Variants in IL1RAPL1 observed in about 807,000 individuals in gnomAD.
The protein encoded by IL1RAPL1 is interleukin 1 receptor accessory protein like 1, also known as interleukin-1 receptor accessory protein-like 1.
A neutral mutation model predicts 48.4 loss-of-function variants in IL1RAPL1; 3 were observed. The observed-to-expected ratio is 0.06, with a 90% CI of 0.03 to 0.16. The LOEUF is 0.16. Among genes scored for constraint, IL1RAPL1 ranks in the 10% least tolerant of loss-of-function variants. The probability of loss-of-function intolerance (pLI) is 1.00; values close to 1 mark genes in which losing one functional copy is unlikely to be tolerated. For missense variants in IL1RAPL1, 349 were observed against 530.6 expected (o/e 0.66, Z 3.36); for synonymous variants, 185 against 187.7 (o/e 0.99, Z 0.12).
At chrX:29,506,575 G>A (rs1228886479) in intron 5 of IL1RAPL1, among the ~76,000 whole-genome samples, 25 of 110,141 alleles carry the variant, frequency 2.3e-4, no homozygotes, top group Admixed American at 1.7e-3. Flanking sequence ...AACCATCAGA[G>A]TGCTTCCTGT....
chrX:28,750,038 C>T (rs1223104984), intron 1 of IL1RAPL1, among the ~76,000 whole-genome samples: 5 of 109,033 alleles, frequency 4.6e-5, no homozygotes, highest in East Asian at 5.7e-4. Flanking sequence ...CTGCAACCTC[C>T]GTCTCCCAGG....
At chrX:29,829,253 T>C (rs1290372646) in intron 6 of IL1RAPL1, among the ~76,000 whole-genome samples, 1 of 108,882 alleles carries the variant, frequency 9.2e-6, no homozygotes, top group Non-Finnish European at 1.9e-5. Context: ...GGTTCTGTCC[T>C]TTTTATGTTA....
intron 2 of IL1RAPL1, among the ~76,000 whole-genome samples, chrX:29,046,972 A>T (rs1744555497): frequency 8.9e-6 from 1 of 112,095 alleles, no homozygotes; most frequent in African/African-American, 3.2e-5. Flanking sequence ...GATATACCAA[A>T]GGATGTATCC....
At chrX:29,593,706 A>G (rs1426988198) in intron 5 of IL1RAPL1, among the ~76,000 whole-genome samples, 1 of 112,337 alleles carries the variant, frequency 8.9e-6, no homozygotes, top group Admixed American at 9.4e-5. Context: ...CATTAGTTAA[A>G]TAGACTCTTT....
At chrX:28,977,872 G>A (rs1925242315) in intron 2 of IL1RAPL1, among the ~76,000 whole-genome samples, 1 of 111,830 alleles carries the variant, frequency 8.9e-6, no homozygotes, top group Non-Finnish European at 1.9e-5. Context: ...CAGGAGAATT[G>A]CTCGAACCAG....
intron 2 of IL1RAPL1, among the ~76,000 whole-genome samples, chrX:29,180,637 G>A (rs963654733): frequency 3.6e-5 from 4 of 110,772 alleles, no homozygotes; most frequent in African/African-American, 1.3e-4. Context: ...TTGGCCTCCC[G>A]AAATGGTGGG....
chrX:29,827,227 C>T (rs1325051642), intron 6 of IL1RAPL1, among the ~76,000 whole-genome samples: 1 of 112,107 alleles, frequency 8.9e-6, no homozygotes, highest in Non-Finnish European at 1.9e-5. Context: ...CTAAAAATTA[C>T]CACTTACTCC....
intron 5 of IL1RAPL1, among the ~76,000 whole-genome samples, chrX:29,608,387 CAA>C (rs372371455): frequency 0.071 from 4,438 of 62,462 alleles, 257 homozygotes; most frequent in African/African-American, 0.23. Context: ...GAAGGGGTTT[CAA>C]AAAAAAAAAG....
intron 1 of IL1RAPL1, among the ~76,000 whole-genome samples, chrX:28,600,115 G>T (rs1934005432): frequency 9.0e-6 from 1 of 111,694 alleles, no homozygotes; most frequent in Non-Finnish European, 1.9e-5. Context: ...AAGTTATTTG[G>T]AGTCTCTGAC....
At chrX:29,393,657 T>C (rs1168958594) in intron 3 of IL1RAPL1, among the ~76,000 whole-genome samples, 1 of 111,081 alleles carries the variant, frequency 9.0e-6, no homozygotes, top group African/African-American at 3.3e-5. Context: ...AAACGATTTA[T>C]GTGGAAGTTT....
chrX:29,247,345 G>A (rs192651925), intron 2 of IL1RAPL1, among the ~76,000 whole-genome samples: 47 of 111,033 alleles, frequency 4.2e-4, no homozygotes, highest in Non-Finnish European at 8.1e-4. Flanking sequence ...ATTGTCTCAA[G>A]GACAAATGAT....
At chrX:28,697,319 G>T (rs1014812620) in intron 1 of IL1RAPL1, among the ~76,000 whole-genome samples, 1 of 109,991 alleles carries the variant, frequency 9.1e-6, no homozygotes, top group Non-Finnish European at 1.9e-5. Flanking sequence ...ATCTAGCATT[G>T]CCTTGAATTT....
intron 6 of IL1RAPL1, among the ~76,000 whole-genome samples, chrX:29,916,018 C>T (rs1044407701): frequency 7.1e-5 from 7 of 99,036 alleles, no homozygotes; most frequent in African/African-American, 1.1e-4. Context: ...TTTGTTCTTG[C>T]GATAGTTTAC....
chrX:29,266,820 A>G (rs1209447235), intron 2 of IL1RAPL1, among the ~76,000 whole-genome samples: 5 of 111,252 alleles, frequency 4.5e-5, no homozygotes, highest in Admixed American at 9.6e-5. Flanking sequence ...TTTAGATTAC[A>G]TGTGGTCATC....
chrX:29,673,312 A>G (rs946091553), intron 6 of IL1RAPL1, among the ~76,000 whole-genome samples: 15 of 111,937 alleles, frequency 1.3e-4, no homozygotes, highest in Admixed American at 5.7e-4. Flanking sequence ...AGTGTCATGT[A>G]ATACTGTTGA....
chrX:28,628,037 A>C (rs1601839407), intron 1 of IL1RAPL1, among the ~76,000 whole-genome samples: 1 of 111,298 alleles, frequency 9.0e-6, no homozygotes, highest in Non-Finnish European at 1.9e-5. Context: ...GCTAAACTGG[A>C]TCTCGCTGGA....
intron 3 of IL1RAPL1, among the ~76,000 whole-genome samples, chrX:29,328,817 GT>G (rs770528263): frequency 9.1e-6 from 1 of 109,950 alleles, no homozygotes; most frequent in East Asian, 2.8e-4. Flanking sequence ...TATTTATACT[GT>G]GATTTTTTCT....
intron 2 of IL1RAPL1, among the ~76,000 whole-genome samples, chrX:29,025,698 A>T (rs767964416): frequency 7.1e-5 from 8 of 111,936 alleles, no homozygotes; most frequent in African/African-American, 2.6e-4. Flanking sequence ...TTTGATTTAA[A>T]AATACACTCC....
chrX:29,365,433 C>T (rs186300235), intron 3 of IL1RAPL1, among the ~76,000 whole-genome samples: 15 of 112,775 alleles, frequency 1.3e-4, no homozygotes, highest in South Asian at 1.1e-3. Flanking sequence ...CATTGGCTCA[C>T]GCCTGTAATC....
Sources: gnomAD v4.1 joint callset for allele counts (sites outside exome capture counted in the v4.1 genomes callset) on GRCh38, gnomAD v4.1.1 for gene constraint, MANE v1.5 for transcripts, NCBI Gene and HGNC (gene_info 2026-07-23, HGNC 2026-07-21) for gene names.